CPS1: variants seen among roughly 807,000 people sequenced by gnomAD.
The protein encoded by CPS1 is carbamoyl-phosphate synthase [ammonia], mitochondrial.
CPS1 carries 109 observed loss-of-function variants against 174.6 expected under a neutral mutation model. That is an observed-to-expected ratio of 0.62 (90% CI 0.53 to 0.73). CPS1 has a LOEUF of 0.73. CPS1 is among the 30% of genes least tolerant of loss of function. CPS1 has a pLI of 0.00. For synonymous variants in CPS1, 637 were observed against 632.0 expected (o/e 1.01, Z -0.12); for missense variants, 1,689 against 1,821.9 (o/e 0.93, Z 1.33).
rs765338172 is a variant in CPS1 at position 210,678,030 on chromosome 2, A to T, written c.*45A>T. 2.2e-6 allele frequency: 3 copies of T among 1,383,154 alleles called. No homozygotes were observed. The African/African-American group carries it at 4.3e-5, about 20-fold the overall frequency. 85.7% of individuals were successfully genotyped at this position (1,383,154 alleles called of 1,614,324 possible). A position where few individuals can be genotyped will look rare whatever the true frequency, so the allele number is the denominator to read the frequency against. On this transcript the variant is annotated 3_prime_UTR_variant, in exon 38 of 38. Coordinates refer to ENST00000233072, the MANE Select transcript of CPS1 (RefSeq NM_001875.5). Reference sequence around the variant, plus strand: ...CCATTATTAAATCAACCTGAGCCACATGTTATCTAAAGGAACTGATTCACA... The same window carrying T: ...CCATTATTAAATCAACCTGAGCCACTTGTTATCTAAAGGAACTGATTCACA...
At chr2:210,644,278 G>T (rs2105903651) in intron 25 of CPS1, among the ~76,000 whole-genome samples, 1 of 151,928 alleles carries the variant, frequency 6.6e-6, no homozygotes, top group East Asian at 1.9e-4. Context: ...TATGTTGGCG[G>T]ACATAATATG....
intron 1 of CPS1, among the ~76,000 whole-genome samples, chr2:210,569,346 A>C (rs1009498079): frequency 5.3e-5 from 8 of 152,084 alleles, no homozygotes; most frequent in African/African-American, 1.9e-4. Context: ...ATCTAAGCCA[A>C]GAGGAAGGAA....
intron 21 of CPS1, among the ~76,000 whole-genome samples, chr2:210,623,552 C>G (rs1221869081): frequency 6.6e-6 from 1 of 151,982 alleles, no homozygotes; most frequent in Non-Finnish European, 1.5e-5. Flanking sequence ...CATCCGAAAT[C>G]ACTATGTTCA....
intron 21 of CPS1, among the ~76,000 whole-genome samples, chr2:210,631,776 T>G (rs1574618687): frequency 6.6e-6 from 1 of 152,214 alleles, no homozygotes; most frequent in Non-Finnish European, 1.5e-5. Context: ...AATAGTTGTA[T>G]ATATAATAGC....
chr2:210,561,067 T>A (rs1331157168), intron 1 of CPS1, among the ~76,000 whole-genome samples: 1 of 152,194 alleles, frequency 6.6e-6, no homozygotes, highest in Non-Finnish European at 1.5e-5. Flanking sequence ...TTGAACATTT[T>A]AATTTTTTCC....
At chr2:210,571,737 A>T (rs1697496987) in intron 1 of CPS1, among the ~76,000 whole-genome samples, 1 of 151,998 alleles carries the variant, frequency 6.6e-6, no homozygotes, top group South Asian at 2.1e-4. Flanking sequence ...TATTATAGAA[A>T]AATAACGGGC....
In CPS1 at chr2:210,588,215, T is replaced by C. The variant is rs557222967; in HGVS notation, c.711+68T>C. On this transcript the variant is annotated intron_variant, in intron 7 of 37. Coordinates refer to ENST00000233072, the MANE Select transcript of CPS1 (RefSeq NM_001875.5). ...GACCATTAGTGTTCAGCTAATTTCC[T>C]CTGTCACAGAGAAACTTATGCATTC... The C allele has an allele frequency of 1.2e-4, 158 of 1,360,614 alleles. No homozygotes were observed. The African/African-American group carries it at 2.1e-3, about 18-fold the overall frequency. The allele number at this position is 1,360,614 out of a possible 1,614,324, so 84.3% of individuals were successfully genotyped here.
intron 29 of CPS1, among the ~76,000 whole-genome samples, chr2:210,655,148 T>G (rs552728014): frequency 6.6e-6 from 1 of 152,366 alleles, no homozygotes; most frequent in East Asian, 1.9e-4. Flanking sequence ...TCCCTGATTT[T>G]CTGAGTTTCA....
rs1457449273 is a variant in CPS1 at position 210,599,500 on chromosome 2, C to T, written c.1488C>T (p.Ile496=). ...PITPQFVTEV[I]KAEQPDGLIL... is the part of the protein sequence containing the mutation. ...CCCCTCAGTTTGTCACAGAGGTCAT[C>T]AAGGCAGAACAGCCAGATGGGTTAA... The change falls in exon 14 of 38, where the codon ATC becomes ATT. Residue 496 remains isoleucine (I), a synonymous_variant. Coordinates refer to ENST00000233072, the MANE Select transcript of CPS1 (RefSeq NM_001875.5). 1.2e-6 allele frequency: 2 copies of T among 1,612,464 alleles called. No homozygotes were observed. Among genetic ancestry groups the T allele is most frequent in the Non-Finnish European group, 8.5e-7 (1 of 1,179,082 alleles).
chr2:210,642,412 C>T, intron 24 of CPS1, 72 bp from the exon 25 acceptor site: 1 of 1,547,504 alleles, frequency 6.5e-7, no homozygotes, highest in Non-Finnish European at 8.9e-7. Context: ...ACTGGTGATA[C>T]ATTTCTGCTT....
chr2:210,570,856 C>T (rs1015635991), intron 1 of CPS1, among the ~76,000 whole-genome samples: 7 of 151,812 alleles, frequency 4.6e-5, no homozygotes, highest in African/African-American at 1.4e-4. Context: ...GGGAGTTTTC[C>T]TAATAAACAC....
At position 210,582,606 on chromosome 2, in the gene CPS1, T is replaced by A. The variant is rs186719380; in HGVS notation, c.529-11T>A. The A allele has an allele frequency of 2.6e-4, 419 of 1,607,238 alleles. 5 individuals carry two copies. Among genetic ancestry groups the A allele is most frequent in the Non-Finnish European group, 5.7e-5 (67 of 1,173,944 alleles). ...CTTCCTTTTAACTGTCTAATTTTTT[T>A]AATTTGATAGGGTACCATGCTTGGG... On this transcript the variant is annotated splice_polypyrimidine_tract_variant and intron_variant, in intron 5 of 37. Transcript: ENST00000233072.
intron 4 of CPS1, among the ~76,000 whole-genome samples, chr2:210,579,355 C>T (rs1574547448): frequency 1.3e-5 from 2 of 152,062 alleles, no homozygotes; most frequent in East Asian, 3.9e-4. Flanking sequence ...CTACTCTGTG[C>T]CAGGAACATT....
At chr2:210,638,677 C>A (rs1700113291) in intron 22 of CPS1, among the ~76,000 whole-genome samples, 2 of 152,268 alleles carry the variant, frequency 1.3e-5, no homozygotes, top group African/African-American at 4.8e-5. Context: ...TCAATGAGAT[C>A]TTGTTCTCCC....
chr2:210,482,676 AAG>A (rs34641628), intron 1 of CPS1, among the ~76,000 whole-genome samples: 101,773 of 149,482 alleles, frequency 0.68, 34,617 homozygotes, highest in African/African-American at 0.75. Context: ...GAGAGAGAGA[AAG>A]AGAGAGAGAG....
chr2:210,542,968 A>T (rs1200078474), intron 1 of CPS1, among the ~76,000 whole-genome samples: 1 of 152,128 alleles, frequency 6.6e-6, no homozygotes. Flanking sequence ...AACATGGCAG[A>T]GTTGTTCACT....
chr2:210,606,739 G>T lies in CPS1; in HGVS notation c.1990G>T (p.Val664Phe). 1.9e-6 allele frequency: 3 copies of T among 1,612,422 alleles called. No individual in the cohort carries two copies. The highest frequency in any genetic ancestry group is 2.5e-6 in the Non-Finnish European group (3 of 1,178,948). Reference sequence around the variant, plus strand: ...GCTTCTTGGATATATAGGTGACTCAGTTGTTGTGGCTCCTGCCCAGACACT... The same window carrying T: ...GCTTCTTGGATATATAGGTGACTCATTTGTTGTGGCTCCTGCCCAGACACT... Reference protein sequence around the residue: ...DAMGVHTGDSVVVAPAQTLSN... With the variant: ...DAMGVHTGDSFVVAPAQTLSN... The change falls in exon 18 of 38, where the codon GTT (valine) becomes TTT (phenylalanine). Residue 664 changes from valine (V) to phenylalanine (F), a missense_variant. Coordinates refer to ENST00000233072, the MANE Select transcript of CPS1 (RefSeq NM_001875.5).
At chr2:210,496,156 G>A (rs2105956917) in intron 1 of CPS1, among the ~76,000 whole-genome samples, 1 of 151,726 alleles carries the variant, frequency 6.6e-6, no homozygotes, top group Middle Eastern at 3.4e-3. Flanking sequence ...CCTAGCAGGG[G>A]CACTAGAAGC....
At chr2:210,489,095 C>T (rs1694797832) in intron 1 of CPS1, among the ~76,000 whole-genome samples, 1 of 152,162 alleles carries the variant, frequency 6.6e-6, no homozygotes, top group Admixed American at 6.5e-5. Flanking sequence ...ACTATTTGGT[C>T]TACCTGCACT....
Sources: allele counts gnomAD v4.1 joint callset (sites outside exome capture counted in the v4.1 genomes callset), GRCh38; gene constraint gnomAD v4.1.1; transcripts MANE v1.5; gene names NCBI Gene and HGNC (gene_info 2026-07-23, HGNC 2026-07-21).